PZP: variants seen among roughly 807,000 people sequenced by gnomAD.
The protein encoded by PZP is pregnancy zone protein.
In PZP, 150 loss-of-function variants were observed where a neutral mutation model predicts 179.8. The observed-to-expected ratio is 0.83, with a 90% confidence interval of 0.73 to 0.96. The LOEUF is 0.96. PZP is among the 40% of genes least tolerant of loss of function. The probability of loss-of-function intolerance (pLI) is 0.00; values close to 1 mark genes in which losing one functional copy is unlikely to be tolerated. For missense variants in PZP, 1,689 were observed against 1,764.0 expected (o/e 0.96, Z 0.76); for synonymous variants, 624 against 652.3 (o/e 0.96, Z 0.66).
rs757276686 is a variant in PZP at position 9,159,929 on chromosome 12, C to G, written c.3137+9G>C. 13 of 1,600,456 alleles carry G rather than the reference C, an allele frequency of 8.1e-6. No homozygotes were observed. Among genetic ancestry groups the G allele is most frequent in the Non-Finnish European group, 9.4e-6 (11 of 1,167,798 alleles). On this transcript the variant is annotated intron_variant, in intron 25 of 35. Coordinates refer to ENST00000261336, the MANE Select transcript of PZP (RefSeq NM_002864.3). ...ATAGTTGAAACTCAGAATAGATTTT[C>G]TTTCTTACCAAGTGTTGCCCTGGTT... is the stretch of plus-strand genomic sequence containing the variant.
At chr12:9,169,029 C>T in intron 16 of PZP, 55 bp from the exon 17 acceptor site, 2 of 1,306,602 alleles carry the variant, frequency 1.5e-6, no homozygotes, top group Non-Finnish European at 2.2e-6. Flanking sequence ...ATATATAAAA[C>T]ATATTATCCT....
At chr12:9,171,891 G>A (rs1942029636) in intron 15 of PZP, among the ~76,000 whole-genome samples, 1 of 152,194 alleles carries the variant, frequency 6.6e-6, no homozygotes, top group Non-Finnish European at 1.5e-5. Flanking sequence ...GAGACAGGGA[G>A]AATGGAACCA....
chr12:9,167,410 C>G (rs1033257922), intron 17 of PZP: 2 of 152,306 alleles, frequency 1.3e-5, no homozygotes, highest in South Asian at 4.1e-4. Context: ...ACCCTGGTGG[C>G]ATGGGCTCAC....
At chr12:9,203,616 C>T (rs1944298556) in intron 2 of PZP, 152 bp downstream of exon 2, 9 of 815,194 alleles carry the variant, frequency 1.1e-5, no homozygotes, top group Non-Finnish European at 1.5e-5. Context: ...GCTGGGATTA[C>T]AGGCGTGAGC....
At chr12:9,200,519 G>C (rs945583531) in intron 6 of PZP, 71 bp from the exon 7 acceptor site, 2 of 1,236,902 alleles carry the variant, frequency 1.6e-6, no homozygotes, top group East Asian at 2.3e-5. Flanking sequence ...ATTTCAGTAT[G>C]TCTATAATTT....
At chr12:9,144,539 A>T (rs1051496591), downstream of PZP, among the ~76,000 whole-genome samples, 1 of 151,888 alleles carries the variant, frequency 6.6e-6, no homozygotes, top group African/African-American at 2.4e-5. Context: ...AAGAAAGAGG[A>T]AAGAAACACG....
Position 9,148,962 on chromosome 12 carries a change from T to C in PZP, c.*10A>G, listed in dbSNP as rs753162516. ...AGAGAATCCACCAAAATATACAGCC[T>C]GTATGGTCCTCAAACATTTCCATGC... On this transcript the variant is annotated 3_prime_UTR_variant, in exon 36 of 36. Coordinates refer to ENST00000261336, the MANE Select transcript of PZP (RefSeq NM_002864.3). The C allele has an allele frequency of 3.1e-6, 5 of 1,606,990 alleles. No homozygotes were observed. Among genetic ancestry groups the C allele is most frequent in the African/African-American group, 2.7e-5 (2 of 74,854 alleles).
At chr12:9,177,522 A>C (rs1374558786) in intron 15 of PZP, among the ~76,000 whole-genome samples, 1 of 152,232 alleles carries the variant, frequency 6.6e-6, no homozygotes, top group African/African-American at 2.4e-5. Context: ...TTATTGTTTT[A>C]AGCCACTAGG....
At chr12:9,195,258 A>G (rs1046815796) in intron 10 of PZP, among the ~76,000 whole-genome samples, 3 of 152,184 alleles carry the variant, frequency 2.0e-5, no homozygotes, top group Non-Finnish European at 4.4e-5. Context: ...ATAAAAATAC[A>G]TTAGAAGATA....
chr12:9,160,352 T>G lies in PZP; in HGVS notation c.3011A>C (p.Gln1004Pro). 1 of 1,614,180 alleles carries G rather than the reference T, an allele frequency of 6.2e-7. No homozygotes were observed. Among genetic ancestry groups the G allele is most frequent in the Non-Finnish European group, 8.5e-7 (1 of 1,180,016 alleles). ...NYLNETQQLT[Q>P]EIKAKAVGYL... ...GCCAACGGCCTTGGCCTTGATCTCCTGCGTCAGCTGCTGGGTTTCATTCAG... is the reference window on the plus strand; with the variant it reads ...GCCAACGGCCTTGGCCTTGATCTCCGGCGTCAGCTGCTGGGTTTCATTCAG... Residue 1004 changes from glutamine to proline, a missense_variant, in exon 24 of 36, where the codon CAG becomes CCG. Transcript: ENST00000261336.
chr12:9,141,154 T>C, the PZP span, among the ~76,000 whole-genome samples: 1 of 152,146 alleles, frequency 6.6e-6, no homozygotes, highest in African/African-American at 2.4e-5. Context: ...AACATAACAA[T>C]TATAATTATT....
intron 17 of PZP, chr12:9,166,948 T>C (rs925817649): frequency 6.6e-6 from 1 of 152,236 alleles, no homozygotes; most frequent in African/African-American, 2.4e-5. Flanking sequence ...TCCCATCTGA[T>C]ATTTCAGAAA....
At chr12:9,151,742 G>T in intron 32 of PZP, 70 bp from the exon 33 acceptor site, 1 of 1,256,430 alleles carries the variant, frequency 8.0e-7, no homozygotes. Flanking sequence ...ATCTAGAGCA[G>T]ATTGTAATAA....
At position 9,196,412 on chromosome 12, in the gene PZP, C is replaced by T; in HGVS notation, c.1010G>A (p.Ser337Asn). The T allele has an allele frequency of 6.2e-7, 1 of 1,613,598 alleles. No individual in the cohort carries two copies. Among genetic ancestry groups the T allele is most frequent in the Non-Finnish European group, 8.5e-7 (1 of 1,179,548 alleles). Residue 337 changes from serine to asparagine, a missense_variant, in exon 10 of 36, where the codon AGT (serine) becomes AAT (asparagine). Ser to Asn is a conservative substitution (Grantham distance 46). This residue lies in a region of PZP where 742 missense variants were observed against 730.5 expected (regional missense o/e 1.02). Transcript: ENST00000261336. ...TDLEVTANRI[S>N]EITNIVSKLK... ...TTTGGATACAATGTTTGTGATTTCA[C>T]TGATCCTGTTTGCAGTGACTTCCAG... is the stretch of plus-strand genomic sequence containing the variant.
chr12:9,185,575 A>G (rs1381298649), intron 13 of PZP, among the ~76,000 whole-genome samples: 1 of 152,170 alleles, frequency 6.6e-6, no homozygotes, highest in Admixed American at 6.5e-5. Flanking sequence ...TATTCAGGAA[A>G]TGAAGAGAAC....
At chr12:9,192,114 T>C (rs1353712279) in intron 13 of PZP, 79 bp downstream of exon 13, 1 of 1,233,892 alleles carries the variant, frequency 8.1e-7, no homozygotes, top group African/African-American at 1.5e-5. Flanking sequence ...GGAAACGATT[T>C]CCCATTTATG....
At chr12:9,163,989 G>T (rs1941403616) in intron 20 of PZP, 144 bp downstream of exon 20, 5 of 1,238,756 alleles carry the variant, frequency 4.0e-6, no homozygotes, top group South Asian at 1.6e-5. Context: ...AGTGGGAGGA[G>T]GTCATAGTGG....
At chr12:9,195,497 G>A (rs1241963130) in intron 10 of PZP, among the ~76,000 whole-genome samples, 2 of 151,430 alleles carry the variant, frequency 1.3e-5, no homozygotes, top group East Asian at 1.9e-4. Context: ...AGGCTGGAGT[G>A]CAGTGGTGCC....
rs1478904320 is a variant in PZP at position 9,152,887 on chromosome 12, G to A, written c.4058C>T (p.Thr1353Ile). The change falls in exon 31 of 36, where the codon ACT (threonine) becomes ATT (isoleucine). Residue 1353 changes from threonine (T) to isoleucine (I), a missense_variant. By Grantham distance (89) the Thr-to-Ile change is moderately conservative (BLOSUM62 -1). Around this residue, in one of 3 missense-constraint regions of PZP, gnomAD observed 746 missense variants for 749.2 expected, o/e 1.00. Coordinates refer to ENST00000261336, the MANE Select transcript of PZP (RefSeq NM_002864.3). ...EDSPFALKVQ[T>I]VPQTCDGHKA... ...GTGTCCATCGCAAGTTTGGGGCACA[G>A]TCTGCACTTTTAAAGCAAATGGGGA... 1.2e-6 allele frequency: 2 copies of A among 1,614,118 alleles called. No individual in the cohort carries two copies. Among genetic ancestry groups the A allele is most frequent in the Non-Finnish European group, 1.7e-6 (2 of 1,179,984 alleles).
Sources: allele counts gnomAD v4.1 joint callset (sites outside exome capture counted in the v4.1 genomes callset), GRCh38; gene constraint gnomAD v4.1.1; regional missense constraint gnomAD v4.1.1; transcripts MANE v1.5; gene names NCBI Gene and HGNC (gene_info 2026-07-23, HGNC 2026-07-21).